GRIK3: variants seen among roughly 807,000 people sequenced by gnomAD.
The protein encoded by GRIK3 is glutamate receptor ionotropic, kainate 3.
GRIK3 carries 29 observed loss-of-function variants against 102.5 expected under a neutral mutation model. The ratio of observed to expected loss-of-function variants is 0.28; its 90% CI spans 0.21 to 0.39. The LOEUF (loss-of-function observed/expected upper bound fraction) is 0.39. GRIK3 is among the 10% of genes least tolerant of loss of function. GRIK3 has a pLI of 1.00. For missense variants in GRIK3, 908 were observed against 1,252.4 expected, an observed-to-expected ratio of 0.73 and a Z score of 4.15; for synonymous variants, 511 against 504.9, an observed-to-expected ratio of 1.01 and a Z score of -0.16.
At chr1:36,978,055 C>T (rs1030293866) in intron 1 of GRIK3, among the ~76,000 whole-genome samples, 1 of 152,328 alleles carries the variant, frequency 6.6e-6, no homozygotes, top group South Asian at 2.1e-4. Flanking sequence ...CTTTGTTATG[C>T]TAATGTCATA....
intron 1 of GRIK3, among the ~76,000 whole-genome samples, chr1:36,899,967 C>G (rs186775164): frequency 2.6e-5 from 4 of 152,178 alleles, no homozygotes; most frequent in African/African-American, 7.2e-5. Context: ...CTTCAACACC[C>G]TTTTATCAGA....
chr1:37,024,568 C>T (rs934505116), intron 1 of GRIK3, among the ~76,000 whole-genome samples: 1 of 151,132 alleles, frequency 6.6e-6, no homozygotes. Flanking sequence ...TATGGTGAAA[C>T]CCCATCTCTA....
rs139617002 is a variant in GRIK3 at position 36,874,037 on chromosome 1, A to G, written c.551-1668T>C. On this transcript the variant is annotated intron_variant, in intron 3 of 15. Transcript: ENST00000373091. ...AGCTAAAATTAGCTCCAAACTTTCC[A>G]GTAAAGGAAACCAAATTGCTGCCCC... Among the ~76,000 whole-genome samples, 371 of 152,312 alleles carry G rather than the reference A, an allele frequency of 2.4e-3. 2 individuals are homozygous for G. Among genetic ancestry groups the G allele is most frequent in the African/African-American group, 8.4e-3 (348 of 41,564 alleles).
At chr1:36,873,780 C>T (rs1479623060) in intron 3 of GRIK3, among the ~76,000 whole-genome samples, 1 of 152,180 alleles carries the variant, frequency 6.6e-6, no homozygotes, top group Non-Finnish European at 1.5e-5. Context: ...TAGGTATTGA[C>T]TCAGAGATAG....
chr1:36,951,587 G>A (rs1318119701), intron 1 of GRIK3, among the ~76,000 whole-genome samples: 2 of 152,248 alleles, frequency 1.3e-5, no homozygotes, highest in African/African-American at 4.8e-5. Flanking sequence ...GGCCACGGCT[G>A]AGGCCCTGCA....
intron 7 of GRIK3, 69 bp downstream of exon 7, chr1:36,859,039 C>G: frequency 9.7e-6 from 13 of 1,339,258 alleles, no homozygotes; most frequent in Non-Finnish European, 1.3e-5. Flanking sequence ...GACTCCCAGA[C>G]CACTCTGCTG....
At chr1:36,934,667 C>T (rs1641634294) in intron 1 of GRIK3, among the ~76,000 whole-genome samples, 1 of 152,216 alleles carries the variant, frequency 6.6e-6, no homozygotes, top group South Asian at 2.1e-4. Flanking sequence ...CTCCCAGTGC[C>T]ACGTTGCTGG....
chr1:36,921,808 T>C (rs1057237530), intron 1 of GRIK3, among the ~76,000 whole-genome samples: 2 of 152,038 alleles, frequency 1.3e-5, no homozygotes, highest in African/African-American at 4.8e-5. Flanking sequence ...GAGAAGGAGT[T>C]TCCACTGAGG....
chr1:36,999,080 G>C (rs1228203263), intron 1 of GRIK3, among the ~76,000 whole-genome samples: 1 of 152,002 alleles, frequency 6.6e-6, no homozygotes, highest in Non-Finnish European at 1.5e-5. Context: ...GACCTGGGAG[G>C]GTGGCTCAGG....
At chr1:37,023,197 T>C (rs111943988) in intron 1 of GRIK3, among the ~76,000 whole-genome samples, 3,389 of 151,962 alleles carry the variant, frequency 0.022, 53 homozygotes, top group Non-Finnish European at 0.035. Context: ...CATGGTGGCA[T>C]GCACCTGTAG....
chr1:36,850,736 G>C lies in GRIK3; in HGVS notation c.1213-312C>G, dbSNP rs1640575070. On this transcript the variant is annotated intron_variant, in intron 8 of 15. Coordinates refer to ENST00000373091, the MANE Select transcript of GRIK3 (RefSeq NM_000831.4). This position sits in a 1 kb window ranked among gnomAD's most constrained non-coding sequence, Gnocchi z 4.0. ...AGCAAATGCGAAGGCAGCCCCAGGG[G>C]TCTCAGGGCTGAGCAGATGCCAATC... Among the ~76,000 whole-genome samples, 3 of 152,226 alleles carry C rather than the reference G, an allele frequency of 2.0e-5. No homozygotes were observed. The South Asian group carries it at 6.2e-4, about 32-fold the overall frequency.
At chr1:36,958,316 G>A (rs1641950600) in intron 1 of GRIK3, among the ~76,000 whole-genome samples, 2 of 82,588 alleles carry the variant, frequency 2.4e-5, no homozygotes, top group Middle Eastern at 7.4e-3. Flanking sequence ...TGTGTGCCCG[G>A]TGAGTCTGTG....
chr1:36,861,554 TC>T (rs752634892), intron 5 of GRIK3, among the ~76,000 whole-genome samples: 3 of 152,296 alleles, frequency 2.0e-5, no homozygotes, highest in Non-Finnish European at 2.9e-5. Flanking sequence ...TTTAGTGAAA[TC>T]AACAATGACT....
intron 9 of GRIK3, among the ~76,000 whole-genome samples, chr1:36,849,000 G>T (rs1640550655): frequency 1.3e-5 from 2 of 152,146 alleles, no homozygotes; most frequent in African/African-American, 2.4e-5. Flanking sequence ...AGCTTGTCTG[G>T]AGCCACCGTG....
At position 36,880,514 on chromosome 1, in the gene GRIK3, G is replaced by T; in HGVS notation, c.550+120C>A. On this transcript the variant is annotated intron_variant, in intron 3 of 15. Coordinates refer to ENST00000373091, the MANE Select transcript of GRIK3 (RefSeq NM_000831.4). The surrounding 1 kb of genome is among the most constrained non-coding windows in gnomAD (Gnocchi z 5.4). ...CATCAGCATAACCGAGTGGAACTGGGGTATGGAACACAGCCTCTTCCCCCA... is the reference window on the plus strand; with the variant it reads ...CATCAGCATAACCGAGTGGAACTGGTGTATGGAACACAGCCTCTTCCCCCA... 2 of 979,456 alleles carry T rather than the reference G, an allele frequency of 2.0e-6. No homozygotes were observed. The highest frequency in any genetic ancestry group is 3.2e-6 in the Non-Finnish European group (2 of 626,298). The allele number at this position is 979,456 out of a possible 1,614,324, so 60.7% of individuals were successfully genotyped here.
chr1:36,923,542 G>A (rs1400192977), intron 1 of GRIK3, among the ~76,000 whole-genome samples: 1 of 152,250 alleles, frequency 6.6e-6, no homozygotes, highest in Non-Finnish European at 1.5e-5. Flanking sequence ...ACCACTGCAT[G>A]GGAATGAGGA....
At position 36,819,758 on chromosome 1, in the gene GRIK3, T is replaced by C; in HGVS notation, c.1851A>G (p.Gly617=). ...TACCTTGCTGCATCAGGGATCCCAT[T>C]CCAAACCAGAAGCTGTTAAGCAGAG... is the stretch of plus-strand genomic sequence containing the variant. The part of the protein sequence containing the change: ...NFTLLNSFWF[G]MGSLMQQGSE... The change falls in exon 12 of 16, where the codon GGA becomes GGG. Residue 617 remains glycine, a synonymous_variant. Coordinates refer to ENST00000373091, the MANE Select transcript of GRIK3 (RefSeq NM_000831.4). This position sits in a 1 kb window ranked among gnomAD's most constrained non-coding sequence, Gnocchi z 4.1. 1.3e-6 allele frequency: 2 copies of C among 1,591,992 alleles called. No individual in the cohort carries two copies. Among genetic ancestry groups the C allele is most frequent in the Non-Finnish European group, 1.7e-6 (2 of 1,160,248 alleles).
At position 36,806,042 on chromosome 1, in the gene GRIK3, C is replaced by T. The variant is rs551907057; in HGVS notation, c.2314+62G>A. 148 of 1,101,376 alleles carry T rather than the reference C, an allele frequency of 1.3e-4. 1 individual carries two copies. The highest frequency in any genetic ancestry group is 2.0e-4 in the Admixed American group (11 of 55,724). The allele number at this position is 1,101,376 out of a possible 1,614,324, so 68.2% of individuals were successfully genotyped here. A position where few individuals can be genotyped will look rare whatever the true frequency, so the allele number is the denominator to read the frequency against. On this transcript the variant is annotated intron_variant, in intron 14 of 15. Coordinates refer to ENST00000373091, the MANE Select transcript of GRIK3 (RefSeq NM_000831.4). This position sits in a 1 kb window ranked among gnomAD's most constrained non-coding sequence, Gnocchi z 4.0. The stretch of plus-strand genomic sequence containing the variant: ...CTGTGAGACGGAGTGTGAGGGGACG[C>T]GGGGGTGGAGCCCTCCCTCTGCCCA...
intron 9 of GRIK3, among the ~76,000 whole-genome samples, chr1:36,846,909 T>G (rs182898753): frequency 2.6e-4 from 40 of 152,328 alleles, no homozygotes; most frequent in Non-Finnish European, 4.7e-4. Context: ...TGGAAGCCCA[T>G]GTAAAGACTG....
Sources: allele counts gnomAD v4.1 joint callset (sites outside exome capture counted in the v4.1 genomes callset), GRCh38; gene constraint gnomAD v4.1.1; non-coding constraint Gnocchi (gnomAD v3.1); transcripts MANE v1.5; gene names NCBI Gene and HGNC (gene_info 2026-07-23, HGNC 2026-07-21).